The following CSMD1 variants were observed in gnomAD, a reference collection of about 807,000 sequenced individuals.
CSMD1 encodes CUB and Sushi multiple domains 1.
Under a neutral mutation model 417.5 loss-of-function variants are expected in CSMD1, and 213 were observed. The ratio of observed to expected loss-of-function variants is 0.51; its 90% confidence interval spans 0.46 to 0.57. The LOEUF (loss-of-function observed/expected upper bound fraction) is 0.57. CSMD1 is among the 20% of genes least tolerant of loss of function. The pLI, the probability that CSMD1 is intolerant of heterozygous loss-of-function variation, is 0.00. For missense variants in CSMD1, 6,923 were observed against 4,529.7 expected (o/e 1.53, Z -15.17); for synonymous variants, 2,862 against 1,736.8 (o/e 1.65, Z -16.11).
intron 7 of CSMD1, among the ~76,000 whole-genome samples, chr8:3,681,205 A>G (rs1799644306): frequency 6.6e-6 from 1 of 152,148 alleles, no homozygotes; most frequent in Non-Finnish European, 1.5e-5. Context: ...TAGGCAGGAG[A>G]AGGAAATAAA....
chr8:3,179,458 G>A (rs1001268163), intron 37 of CSMD1, among the ~76,000 whole-genome samples: 1 of 152,184 alleles, frequency 6.6e-6, no homozygotes, highest in Non-Finnish European at 1.5e-5. Flanking sequence ...AAGTTCATCT[G>A]AATGAGAAAT....
At chr8:4,389,087 G>C (rs530224616) in intron 3 of CSMD1, among the ~76,000 whole-genome samples, 1 of 152,228 alleles carries the variant, frequency 6.6e-6, no homozygotes, top group South Asian at 2.1e-4. Flanking sequence ...TACATTATAG[G>C]AATGTTTCCA....
At chr8:4,276,638 G>A (rs1257809761) in intron 3 of CSMD1, among the ~76,000 whole-genome samples, 1 of 152,160 alleles carries the variant, frequency 6.6e-6, no homozygotes, top group African/African-American at 2.4e-5. Flanking sequence ...TTTAAGTGAA[G>A]TAGTGATTCA....
At chr8:3,342,471 C>A (rs769022178) in intron 23 of CSMD1, among the ~76,000 whole-genome samples, 11 of 152,172 alleles carry the variant, frequency 7.2e-5, no homozygotes, top group Non-Finnish European at 1.3e-4. Context: ...ATTTTATATA[C>A]TTTAAACATT....
chr8:3,950,411 G>C (rs747229070), intron 5 of CSMD1, among the ~76,000 whole-genome samples: 1 of 152,226 alleles, frequency 6.6e-6, no homozygotes, highest in African/African-American at 2.4e-5. Flanking sequence ...ACGGGTCAAT[G>C]TAAGTAGCAG....
intron 4 of CSMD1, among the ~76,000 whole-genome samples, chr8:4,023,402 T>C (rs942291484): frequency 6.6e-6 from 1 of 152,068 alleles, no homozygotes; most frequent in Non-Finnish European, 1.5e-5. Context: ...CAAAAGTAAT[T>C]CCAATTTCAT....
intron 1 of CSMD1, among the ~76,000 whole-genome samples, chr8:4,958,366 C>G (rs962615754): frequency 6.6e-6 from 1 of 151,854 alleles, no homozygotes; most frequent in Non-Finnish European, 1.5e-5. Context: ...TGATCTTTAC[C>G]CACCTATTTT....
chr8:4,782,823 A>C (rs1797218633), intron 1 of CSMD1, among the ~76,000 whole-genome samples: 1 of 152,186 alleles, frequency 6.6e-6, no homozygotes, highest in Admixed American at 6.5e-5. Flanking sequence ...CCACCAATTT[A>C]AATTTAGAAA....
In CSMD1 at chr8:3,348,084, G is replaced by A. The variant is rs776072371; in HGVS notation, c.3382C>T (p.His1128Tyr). The A allele has an allele frequency of 3.1e-6, 5 of 1,612,088 alleles. No homozygotes were observed. The highest frequency in any genetic ancestry group is 2.7e-5 in the African/African-American group (2 of 74,814). The change falls in exon 22 of 70, where the codon CAT becomes TAT. Residue 1128 changes from histidine to tyrosine, a missense_variant. Physicochemically the swap from His to Tyr is moderately conservative, Grantham distance 83. Coordinates refer to ENST00000635120, the MANE Select transcript of CSMD1 (RefSeq NM_033225.6). ...PNFPSNYDNN[H>Y]ECIYKIETEA... ...GTTTCTATTTTATAGATACACTCATGGTTATTATCATAATTGGATGGAAAA... is the reference window on the plus strand; with the variant it reads ...GTTTCTATTTTATAGATACACTCATAGTTATTATCATAATTGGATGGAAAA...
chr8:4,131,838 C>A (rs1195346971), intron 3 of CSMD1, among the ~76,000 whole-genome samples: 5 of 144,494 alleles, frequency 3.5e-5, no homozygotes, highest in African/African-American at 1.3e-4. Flanking sequence ...TCCCGGCTCA[C>A]TGCAAGCTCC....
At chr8:2,999,511 C>A (rs1214566974) in intron 53 of CSMD1, among the ~76,000 whole-genome samples, 3 of 152,116 alleles carry the variant, frequency 2.0e-5, no homozygotes, top group Non-Finnish European at 4.4e-5. Context: ...ATATTCTTGA[C>A]GAAGCAATGA....
At chr8:4,045,192 T>C (rs754570624) in intron 3 of CSMD1, among the ~76,000 whole-genome samples, 2 of 152,106 alleles carry the variant, frequency 1.3e-5, no homozygotes, top group African/African-American at 2.4e-5. Context: ...GAGGTACTCA[T>C]CTCTGAGGAA....
At chr8:3,822,245 C>T (rs1801776620) in intron 5 of CSMD1, among the ~76,000 whole-genome samples, 1 of 152,158 alleles carries the variant, frequency 6.6e-6, no homozygotes, top group African/African-American at 2.4e-5. Flanking sequence ...ATCACTTAAC[C>T]TCTGGACGCA....
At chr8:3,198,890 C>G (rs926993617) in intron 33 of CSMD1, among the ~76,000 whole-genome samples, 1 of 148,544 alleles carries the variant, frequency 6.7e-6, no homozygotes, top group African/African-American at 2.5e-5. Context: ...GTATCTGTAG[C>G]CTCCAGCAAA....
chr8:3,560,825 T>C (rs1028610450), intron 10 of CSMD1, among the ~76,000 whole-genome samples: 2 of 152,208 alleles, frequency 1.3e-5, no homozygotes, highest in African/African-American at 4.8e-5. Context: ...TTTATCCTTC[T>C]GTAACACAAT....
At chr8:4,451,160 T>C (rs1007815807) in intron 2 of CSMD1, among the ~76,000 whole-genome samples, 2 of 146,824 alleles carry the variant, frequency 1.4e-5, no homozygotes, top group East Asian at 2.0e-4. Context: ...AGACCCTGTC[T>C]CTATCAAAAT....
intron 5 of CSMD1, among the ~76,000 whole-genome samples, chr8:3,853,223 G>A (rs1313991824): frequency 6.6e-6 from 1 of 152,080 alleles, no homozygotes; most frequent in South Asian, 2.1e-4. Flanking sequence ...CTTCTTTGTT[G>A]GTTCTTCCTT....
chr8:3,268,149 CTGAA>C (rs958111054), intron 26 of CSMD1, among the ~76,000 whole-genome samples: 182 of 152,014 alleles, frequency 1.2e-3, no homozygotes, highest in African/African-American at 3.9e-3. Flanking sequence ...GAACTGATAT[CTGAA>C]TGAATGAATG....
chr8:4,081,528 A>C (rs1800132810), intron 3 of CSMD1, among the ~76,000 whole-genome samples: 1 of 152,126 alleles, frequency 6.6e-6, no homozygotes, highest in South Asian at 2.1e-4. Context: ...CCCCCTACCA[A>C]CCACCGGAAA....
Sources: allele counts gnomAD v4.1 joint callset (sites outside exome capture counted in the v4.1 genomes callset), GRCh38; gene constraint gnomAD v4.1.1; transcripts MANE v1.5; gene names NCBI Gene and HGNC (gene_info 2026-07-23, HGNC 2026-07-21).